The following SASH1 variants were observed in gnomAD, a reference collection of about 807,000 sequenced individuals.
The protein encoded by SASH1 is SAM and SH3 domain-containing protein 1.
A neutral mutation model predicts 125.2 loss-of-function variants in SASH1; 44 were observed. The ratio of observed to expected loss-of-function variants is 0.35; its 90% CI spans 0.28 to 0.45. The LOEUF is 0.45. SASH1 is among the 20% of genes least tolerant of loss of function. The probability of loss-of-function intolerance (pLI) is 1.00; values close to 1 mark genes in which losing one functional copy is unlikely to be tolerated. For missense variants in SASH1, 1,426 were observed against 1,614.5 expected, an observed-to-expected ratio of 0.88 and a Z score of 2.00; for synonymous variants, 639 against 649.1, an observed-to-expected ratio of 0.98 and a Z score of 0.24.
chr6:148,500,725 GT>G (rs1372085608), intron 8 of SASH1, among the ~76,000 whole-genome samples: 1 of 152,054 alleles, frequency 6.6e-6, no homozygotes, highest in Non-Finnish European at 1.5e-5. Flanking sequence ...ATTAGATTAT[GT>G]AGCTTTCTCT....
intron 1 of SASH1, among the ~76,000 whole-genome samples, chr6:148,389,435 C>T (rs1166304835): frequency 6.6e-6 from 1 of 152,204 alleles, no homozygotes; most frequent in Non-Finnish European, 1.5e-5. Flanking sequence ...AACATGTACT[C>T]TTGCACCTGG....
At chr6:148,305,623 C>CAAAAAAAAAAAA (rs59521298) in intron 1 of SASH1, among the ~76,000 whole-genome samples, 36 of 104,214 alleles carry the variant, frequency 3.5e-4, no homozygotes, top group South Asian at 6.1e-4. Context: ...GACTCTGACT[C>CAAAAAAAAAAAA]AAAAAAAAAA....
upstream of SASH1, among the ~76,000 whole-genome samples, chr6:148,271,641 T>C (rs1231803660): frequency 6.6e-6 from 1 of 152,240 alleles, no homozygotes; most frequent in Non-Finnish European, 1.5e-5. Flanking sequence ...TAAACTAGAT[T>C]AAGCCCCAGC....
At chr6:148,256,140 C>T in the SASH1 span, among the ~76,000 whole-genome samples, 4 of 152,208 alleles carry the variant, frequency 2.6e-5, no homozygotes, top group Admixed American at 2.0e-4. Flanking sequence ...AAAATTTCTG[C>T]GGAATTCAAT....
chr6:148,194,807 G>A, the SASH1 span, among the ~76,000 whole-genome samples: 1 of 152,240 alleles, frequency 6.6e-6, no homozygotes, highest in Non-Finnish European at 1.5e-5. Flanking sequence ...TCGGGAGGCT[G>A]AGGCAGGAAA....
In SASH1 at chr6:148,280,701, G is replaced by A. The variant is rs576488684; in HGVS notation, n.74+8324G>A. 2.0e-4 allele frequency among the ~76,000 whole-genome samples: 30 copies of A among 152,178 alleles called. No homozygotes were observed. The South Asian group carries it at 5.2e-3, about 26-fold the overall frequency. The stretch of plus-strand genomic sequence containing the variant: ...CACATGCCTATAGTCCCAGCTACTC[G>A]GGAGGCTGCAGCAGGAGATTCGCTT... On this transcript the variant is annotated intron_variant and non_coding_transcript_variant, in intron 1 of 3. Transcript: ENST00000367469.
chr6:148,382,357 T>G (rs906034558), intron 1 of SASH1, among the ~76,000 whole-genome samples: 3 of 152,178 alleles, frequency 2.0e-5, no homozygotes, highest in African/African-American at 4.8e-5. Flanking sequence ...TGGTGCCATC[T>G]TGGCTCACTG....
intron 1 of SASH1, among the ~76,000 whole-genome samples, chr6:148,320,020 G>A (rs932115663): frequency 3.9e-5 from 6 of 152,222 alleles, no homozygotes; most frequent in Middle Eastern, 6.8e-3. Flanking sequence ...CCTCATGATG[G>A]CCCCAAAGTA....
chr6:148,496,078 C>T (rs1779300007), intron 8 of SASH1, among the ~76,000 whole-genome samples: 1 of 151,748 alleles, frequency 6.6e-6, no homozygotes, highest in African/African-American at 2.4e-5. Flanking sequence ...GAACTCCTGA[C>T]CTCAGGTGAT....
At chr6:148,537,833 G>GTGTGTGTGTGT (rs1781957281) in intron 16 of SASH1, among the ~76,000 whole-genome samples, 1 of 100,758 alleles carries the variant, frequency 9.9e-6, no homozygotes, top group African/African-American at 3.5e-5. Flanking sequence ...TGTGTGTGTG[G>GTGTGTGTGTGT]TTGGTGAGGC....
At chr6:148,197,221 G>T in the SASH1 span, among the ~76,000 whole-genome samples, 1 of 152,180 alleles carries the variant, frequency 6.6e-6, no homozygotes. Flanking sequence ...ACATGAGATG[G>T]CAGTGGTCCC....
chr6:148,459,019 CA>C (rs1777491286), intron 4 of SASH1, among the ~76,000 whole-genome samples: 4 of 149,700 alleles, frequency 2.7e-5, no homozygotes, highest in African/African-American at 4.9e-5. Context: ...CACACACACA[CA>C]CACCCTCTAG....
chr6:148,423,269 C>T (rs1315837067), intron 2 of SASH1, among the ~76,000 whole-genome samples: 2 of 152,220 alleles, frequency 1.3e-5, no homozygotes, highest in Non-Finnish European at 2.9e-5. Flanking sequence ...CATCATTATA[C>T]AACATGACTA....
chr6:148,502,065 A>G (rs1171372736), intron 8 of SASH1, among the ~76,000 whole-genome samples: 1 of 152,164 alleles, frequency 6.6e-6, no homozygotes, highest in Non-Finnish European at 1.5e-5. Flanking sequence ...TCAAATTCTC[A>G]CATACTTTTT....
intron 2 of SASH1, among the ~76,000 whole-genome samples, chr6:148,424,686 A>G (rs931912730): frequency 2.0e-5 from 3 of 152,128 alleles, no homozygotes; most frequent in African/African-American, 7.2e-5. Flanking sequence ...TTAACTTTAA[A>G]ATCCTTAGTC....
chr6:148,393,039 C>G (rs1304933036), intron 2 of SASH1, among the ~76,000 whole-genome samples: 3 of 120,530 alleles, frequency 2.5e-5, no homozygotes, highest in African/African-American at 9.5e-5. Flanking sequence ...TTGAATGTTT[C>G]AATTTTTTTT....
intron 1 of SASH1, among the ~76,000 whole-genome samples, chr6:148,374,043 C>A (rs965293905): frequency 6.6e-6 from 1 of 152,214 alleles, no homozygotes; most frequent in East Asian, 1.9e-4. Context: ...AATGGAAACA[C>A]ACGGTCCATC....
the SASH1 span, among the ~76,000 whole-genome samples, chr6:148,202,293 A>G: frequency 6.6e-6 from 1 of 152,196 alleles, no homozygotes; most frequent in Non-Finnish European, 1.5e-5. Context: ...CTGCAAGGAC[A>G]GAACTTCCTA....
At chr6:148,230,657 A>G in the SASH1 span, among the ~76,000 whole-genome samples, 1 of 152,096 alleles carries the variant, frequency 6.6e-6, no homozygotes, top group Non-Finnish European at 1.5e-5. Context: ...ATTTTTCCAC[A>G]TTCTTGTGAA....
Sources: allele counts gnomAD v4.1 joint callset (sites outside exome capture counted in the v4.1 genomes callset), GRCh38; gene constraint gnomAD v4.1.1; transcripts MANE v1.5; gene names NCBI Gene and HGNC (gene_info 2026-07-23, HGNC 2026-07-21).